KDM4A: variants seen among roughly 807,000 people sequenced by gnomAD.
KDM4A encodes lysine-specific demethylase 4A.
In KDM4A, 23 loss-of-function variants were observed where a neutral mutation model predicts 127.1. The observed-to-expected ratio is 0.18, with a 90% CI of 0.13 to 0.26. The LOEUF is 0.26. Ranked by LOEUF, KDM4A falls within the 10% of genes least tolerant of loss-of-function variation. The pLI, the probability that KDM4A is intolerant of heterozygous loss-of-function variation, is 1.00. For synonymous variants in KDM4A, 443 were observed against 466.5 expected (o/e 0.95, Z 0.65); for missense variants, 890 against 1,329.1 (o/e 0.67, Z 5.14).
intron 10 of KDM4A, among the ~76,000 whole-genome samples, chr1:43,670,276 G>A (rs555666617): frequency 2.6e-5 from 4 of 152,190 alleles, no homozygotes; most frequent in Non-Finnish European, 5.9e-5. Flanking sequence ...CAGCCAGGCA[G>A]CACTGTGGAC....
rs1205269435 is a variant in KDM4A, at chr1:43,705,320, G to C, written c.*950G>C. 1 of 152,074 alleles carries C rather than the reference G, an allele frequency of 6.6e-6. No homozygotes were observed. The highest frequency in any genetic ancestry group is 1.5e-5 in the Non-Finnish European group (1 of 67,938). 9.4% of individuals were successfully genotyped at this position (152,074 alleles called of 1,614,324 possible). A position where few individuals can be genotyped will look rare whatever the true frequency, so the allele number is the denominator to read the frequency against. On this transcript the variant is annotated 3_prime_UTR_variant, in exon 22 of 22. Coordinates refer to ENST00000372396, the MANE Select transcript of KDM4A (RefSeq NM_014663.3). Reference sequence around the variant, plus strand: ...TGGGACTAGAGGGCAATACTGAAGGGGTTAAACAGGTTTTTGCTCCTCAAG... The same window carrying C: ...TGGGACTAGAGGGCAATACTGAAGGCGTTAAACAGGTTTTTGCTCCTCAAG...
chr1:43,667,951 C>G lies in KDM4A; in HGVS notation c.1095C>G (p.Asn365Lys), dbSNP rs548185351. 3.1e-6 allele frequency: 5 copies of G among 1,614,006 alleles called. No individual in the cohort carries two copies. The South Asian group carries it at 4.4e-5, about 14-fold the overall frequency. The change falls in exon 9 of 22, where the codon AAC becomes AAG. Residue 365 changes from asparagine to lysine, a missense_variant. Physicochemically the swap from Asn to Lys is moderately conservative, Grantham distance 94. Coordinates refer to ENST00000372396, the MANE Select transcript of KDM4A (RefSeq NM_014663.3). ...GTGAACTGCCTCCAAGAGCTGGCAA[C>G]GAGGAGGAGTGCCCAGAGGAGGACA... is the stretch of plus-strand genomic sequence containing the variant. ...KESELPPRAGNEEECPEEDME... is the reference protein window; with the variant it reads ...KESELPPRAGKEEECPEEDME...
intron 11 of KDM4A, among the ~76,000 whole-genome samples, chr1:43,680,823 G>A (rs756962952): frequency 1.2e-4 from 18 of 152,190 alleles, no homozygotes; most frequent in Non-Finnish European, 2.5e-4. Context: ...TCCAGGGTAC[G>A]CTCCCTATTT....
In KDM4A at chr1:43,683,709, T is replaced by C. The variant is rs1231037601; in HGVS notation, c.1760T>C (p.Leu587Pro). Residue 587 changes from leucine to proline, a missense_variant, in exon 12 of 22, where the codon CTA (leucine) becomes CCA (proline). Physicochemically the swap from Leu to Pro is moderately conservative, Grantham distance 98. This residue lies in a region of KDM4A where 389 missense variants were observed against 485.9 expected (regional missense o/e 0.80). Transcript: ENST00000372396. ...GTTGCAGATGAATACATGTTTTCCC[T>C]AGAAGAGAATAAGAAGTCCAAGGGA... ...AEVADEYMFS[L>P]EENKKSKGRR... is the part of the protein sequence containing the mutation. 3 of 1,613,900 alleles carry C rather than the reference T, an allele frequency of 1.9e-6. No homozygotes were observed. The highest frequency in any genetic ancestry group is 2.5e-6 in the Non-Finnish European group (3 of 1,179,978).
chr1:43,664,514 A>C (rs1660457479), intron 5 of KDM4A, among the ~76,000 whole-genome samples: 1 of 152,154 alleles, frequency 6.6e-6, no homozygotes, highest in Non-Finnish European at 1.5e-5. Context: ...CGGAGGGGAC[A>C]TCATGGGGCA....
rs1661516952 is a variant in KDM4A at position 43,704,988 on chromosome 1, G to A, written c.*618G>A. 6.5e-6 allele frequency: 1 copy of A among 153,306 alleles called. No individual in the cohort carries two copies. Among genetic ancestry groups the A allele is most frequent in the South Asian group, 2.1e-4 (1 of 4,846 alleles). 9.5% of individuals were successfully genotyped at this position (153,306 alleles called of 1,614,324 possible). A position where few individuals can be genotyped will look rare whatever the true frequency, so the allele number is the denominator to read the frequency against. On this transcript the variant is annotated 3_prime_UTR_variant, in exon 22 of 22. Transcript: ENST00000372396. ...ACCGTCTCAAGACAGTGCTGGCAAA[G>A]CTGCAGTATTGAGATGCTAAGGAGC...
chr1:43,656,923 TTTCACC>T (rs1570811646), intron 3 of KDM4A, among the ~76,000 whole-genome samples: 1 of 150,996 alleles, frequency 6.6e-6, no homozygotes, highest in East Asian at 2.0e-4. Flanking sequence ...AGAGACGGGG[TTTCACC>T]GTCTCTACTG....
intron 12 of KDM4A, among the ~76,000 whole-genome samples, chr1:43,684,868 A>C (rs1660936359): frequency 6.6e-6 from 1 of 152,180 alleles, no homozygotes; most frequent in Non-Finnish European, 1.5e-5. Flanking sequence ...TGAAGGTCTG[A>C]AGTAGGATGG....
rs1421984140 is a variant in KDM4A at position 43,694,735 on chromosome 1, G to A, written c.2511G>A (p.Arg837=). 1 of 1,612,508 alleles carries A rather than the reference G, an allele frequency of 6.2e-7. No homozygotes were observed. The highest frequency in any genetic ancestry group is 2.2e-5 in the East Asian group (1 of 44,808). ...AATGTATCTTCTGTAAGAAGCGGAG[G>A]AAAAGAACTGCTGGCTGCTGTGTGC... is the stretch of plus-strand genomic sequence containing the variant. The part of the protein sequence containing the change: ...KLKCIFCKKR[R]KRTAGCCVQC... The change falls in exon 18 of 22, where the codon AGG becomes AGA. Residue 837 remains arginine (R), a synonymous_variant. Transcript: ENST00000372396. This position sits in a 1 kb window ranked among gnomAD's most constrained non-coding sequence, Gnocchi z 5.2.
chr1:43,677,059 T>C (rs910053004), intron 11 of KDM4A, among the ~76,000 whole-genome samples: 1 of 152,044 alleles, frequency 6.6e-6, no homozygotes. Context: ...AATATGGTCA[T>C]TTTTGGCTGG....
intron 10 of KDM4A, among the ~76,000 whole-genome samples, chr1:43,670,533 C>T (rs1237409327): frequency 1.3e-5 from 2 of 149,584 alleles, no homozygotes; most frequent in Non-Finnish European, 3.0e-5. Flanking sequence ...GGTGGGACTA[C>T]AGGCATACAC....
At chr1:43,686,147 T>C (rs1462442072) in intron 12 of KDM4A, among the ~76,000 whole-genome samples, 1 of 140,766 alleles carries the variant, frequency 7.1e-6, no homozygotes, top group Non-Finnish European at 1.5e-5. Flanking sequence ...TTTTTTTGTT[T>C]CTTGTTTTTT....
chr1:43,662,745 G>C (rs1015689636), intron 4 of KDM4A, 149 bp from the exon 5 acceptor site: 27 of 624,178 alleles, frequency 4.3e-5, no homozygotes, highest in Admixed American at 6.8e-5. Context: ...AATGAGGAAT[G>C]CTATGGTCTT....
chr1:43,681,211 A>T (rs1557913778), intron 11 of KDM4A, among the ~76,000 whole-genome samples: 1 of 151,932 alleles, frequency 6.6e-6, no homozygotes, highest in Non-Finnish European at 1.5e-5. Flanking sequence ...CAGCTCTTCT[A>T]TGTTCTTTGA....
intron 13 of KDM4A, among the ~76,000 whole-genome samples, chr1:43,689,582 A>G (rs541168002): frequency 6.6e-6 from 1 of 152,278 alleles, no homozygotes; most frequent in Admixed American, 6.5e-5. Flanking sequence ...ATATGTGAGG[A>G]GGGGCTGGGA....
intron 3 of KDM4A, among the ~76,000 whole-genome samples, chr1:43,659,620 A>G (rs1426887266): frequency 6.6e-6 from 1 of 152,200 alleles, no homozygotes; most frequent in African/African-American, 2.4e-5. Context: ...CCCCTGGCCA[A>G]AGTGTAGATA....
rs1453710508 is a variant in KDM4A, at chr1:43,683,169, T to C, written c.1735-515T>C. ...ATCTGCTAGCGCGAAGTCTTGGCAG[T>C]GTATAAGGAGAAGGTGGCCTATTTT... On this transcript the variant is annotated intron_variant, in intron 11 of 21. Transcript: ENST00000372396. 3.3e-5 allele frequency among the ~76,000 whole-genome samples: 5 copies of C among 152,340 alleles called. No individual in the cohort carries two copies. The East Asian group carries it at 9.7e-4, about 29-fold the overall frequency.
intron 11 of KDM4A, 103 bp downstream of exon 11, chr1:43,671,978 G>T: frequency 7.3e-7 from 1 of 1,362,348 alleles, no homozygotes; most frequent in East Asian, 2.5e-5. Flanking sequence ...TGTGATGGAG[G>T]TGCTGCAGGA....
chr1:43,698,241 G>A (rs1661292650), intron 19 of KDM4A, among the ~76,000 whole-genome samples: 1 of 152,190 alleles, frequency 6.6e-6, no homozygotes, highest in Admixed American at 6.5e-5. Context: ...AGTATTTTCT[G>A]CAATTCCTTG....
Sources: allele counts gnomAD v4.1 joint callset (sites outside exome capture counted in the v4.1 genomes callset), GRCh38; gene constraint gnomAD v4.1.1; regional missense constraint gnomAD v4.1.1; non-coding constraint Gnocchi (gnomAD v3.1); transcripts MANE v1.5; gene names NCBI Gene and HGNC (gene_info 2026-07-23, HGNC 2026-07-21).